GSE1: variants seen among roughly 807,000 people sequenced by gnomAD.
GSE1 encodes genetic suppressor element 1.
A neutral mutation model predicts 112.6 loss-of-function variants in GSE1; 32 were observed. The ratio of observed to expected loss-of-function variants is 0.28; its 90% CI spans 0.21 to 0.38. The LOEUF is 0.38. Among genes scored for constraint, GSE1 ranks in the 10% least tolerant of loss-of-function variants. The probability of loss-of-function intolerance (pLI) is 1.00; values close to 1 mark genes in which losing one functional copy is unlikely to be tolerated. For missense variants in GSE1, 2,348 were observed against 1,699.2 expected (o/e 1.38, Z -6.71); for synonymous variants, 1,115 against 735.6 (o/e 1.52, Z -8.35).
chr16:85,547,321 C>T (rs1249064815), intron 2 of GSE1, among the ~76,000 whole-genome samples: 3 of 152,204 alleles, frequency 2.0e-5, no homozygotes, highest in African/African-American at 7.2e-5. Flanking sequence ...CGGAATGAAA[C>T]TGAAATCCAT....
chr16:85,397,030 C>A (rs1187284423), intron 2 of GSE1, among the ~76,000 whole-genome samples: 2 of 152,184 alleles, frequency 1.3e-5, no homozygotes. Context: ...GGGCTCCCCT[C>A]CAGCTGGGTG....
chr16:85,208,120 G>A (rs143281347), intron 1 of GSE1, among the ~76,000 whole-genome samples: 6 of 152,258 alleles, frequency 3.9e-5, no homozygotes, highest in East Asian at 3.9e-4. Flanking sequence ...CCTGGTTGTC[G>A]TCCTTGTCCT....
intron 1 of GSE1, among the ~76,000 whole-genome samples, chr16:85,198,548 C>T (rs542401499): frequency 3.2e-4 from 48 of 150,006 alleles, no homozygotes; most frequent in African/African-American, 1.1e-3. Context: ...CTGGGAGGGT[C>T]GGGATGGGGG....
chr16:85,342,913 G>A (rs1164134973), intron 1 of GSE1, among the ~76,000 whole-genome samples: 1 of 151,432 alleles, frequency 6.6e-6, no homozygotes, highest in Non-Finnish European at 1.5e-5. Flanking sequence ...TGCATGAAGA[G>A]GGGGTGCCGC....
chr16:85,267,201 G>A (rs1567650256), intron 1 of GSE1, among the ~76,000 whole-genome samples: 1 of 152,158 alleles, frequency 6.6e-6, no homozygotes, highest in African/African-American at 2.4e-5. Flanking sequence ...CCCGCCCCTC[G>A]CCTGAGGCCG....
At chr16:85,456,040 CAG>C (rs1281430677) in intron 2 of GSE1, among the ~76,000 whole-genome samples, 1 of 152,160 alleles carries the variant, frequency 6.6e-6, no homozygotes, top group African/African-American at 2.4e-5. Context: ...TTGTAAGTAA[CAG>C]AGCTAGGATT....
rs868774854 is a variant in GSE1 at position 85,666,080 on chromosome 16, G to T, written c.2863G>T (p.Val955Phe). The T allele has an allele frequency of 1.2e-6, 2 of 1,613,318 alleles. No homozygotes were observed. The highest frequency in any genetic ancestry group is 3.3e-4 in the Middle Eastern group (2 of 6,062). The change falls in exon 13 of 16, where the codon GTC (valine) becomes TTC (phenylalanine). Residue 955 changes from valine to phenylalanine, a missense_variant. Transcript: ENST00000253458. ...CGCGGAGCCTGGGAAGCTGGAACAG[G>T]TCCGGCCCCAGGAGCTGTCGAGAGT... is the stretch of plus-strand genomic sequence containing the variant. ...KAAEPGKLEQVRPQELSRVQE... is the reference protein window; with the variant it reads ...KAAEPGKLEQFRPQELSRVQE...
chr16:85,550,699 T>C (rs943304504), intron 2 of GSE1, among the ~76,000 whole-genome samples: 1 of 152,116 alleles, frequency 6.6e-6, no homozygotes, highest in Non-Finnish European at 1.5e-5. Flanking sequence ...CAGCACGTGC[T>C]GGGAGGCTAT....
At chr16:85,171,700 C>T (rs2074361137) in exon 1 of GSE1, 7 of 985,528 alleles carry the variant, frequency 7.1e-6, no homozygotes, top group African/African-American at 1.7e-5. Flanking sequence ...CGGACAGCAG[C>T]TGATCATCGG....
intron 1 of GSE1, among the ~76,000 whole-genome samples, chr16:85,199,203 C>G (rs893303826): frequency 2.0e-5 from 3 of 152,118 alleles, no homozygotes; most frequent in Non-Finnish European, 2.9e-5. Context: ...ATGATCCGCC[C>G]GCCTCGGCTT....
chr16:85,478,919 CTT>C (rs1347543284), intron 2 of GSE1, among the ~76,000 whole-genome samples: 8 of 45,548 alleles, frequency 1.8e-4, no homozygotes, highest in African/African-American at 9.1e-4. Context: ...TTCTTTCTTT[CTT>C]TCTTTCTCTT....
At chr16:85,558,262 C>T (rs942730220) in intron 1 of GSE1, among the ~76,000 whole-genome samples, 3 of 152,184 alleles carry the variant, frequency 2.0e-5, no homozygotes, top group Non-Finnish European at 2.9e-5. Context: ...GTCTGTCTCC[C>T]CCCGGGTCTG....
In GSE1 at chr16:85,674,764, G is replaced by A. The variant is rs1307835618; in HGVS notation, c.*2225G>A. 3.3e-5 allele frequency: 5 copies of A among 152,514 alleles called. No homozygotes were observed. The highest frequency in any genetic ancestry group is 1.9e-4 in the East Asian group (1 of 5,184). 9.4% of individuals were successfully genotyped at this position (152,514 alleles called of 1,614,324 possible). Reference sequence around the variant, plus strand: ...GGGGACAGGTGGCACACCATGAGAGGTCTGCCCAGGGTGGGAGCAGTGTCA... The same window carrying A: ...GGGGACAGGTGGCACACCATGAGAGATCTGCCCAGGGTGGGAGCAGTGTCA... On this transcript the variant is annotated 3_prime_UTR_variant, in exon 16 of 16. Transcript: ENST00000253458.
At position 85,436,003 on chromosome 16, in the gene GSE1, G is replaced by A. The variant is rs191185970; in HGVS notation, c.2464+78360G>A. On this transcript the variant is annotated intron_variant, in intron 2 of 2. Coordinates refer to the GSE1 transcript ENST00000637419. Reference sequence around the variant, plus strand: ...CCCGGATCTCACCAGTGTGGTTGGCGTGGGTCTGCATTTCCAGGGCCAGAA... The same window carrying A: ...CCCGGATCTCACCAGTGTGGTTGGCATGGGTCTGCATTTCCAGGGCCAGAA... 2.0e-5 allele frequency among the ~76,000 whole-genome samples: 3 copies of A among 152,286 alleles called. No homozygotes were observed. The East Asian group carries it at 5.8e-4, about 29-fold the overall frequency.
At chr16:85,552,011 C>T (rs2044938077), upstream of GSE1, among the ~76,000 whole-genome samples, 1 of 152,134 alleles carries the variant, frequency 6.6e-6, no homozygotes, top group Non-Finnish European at 1.5e-5. Flanking sequence ...CCTCCGTGCA[C>T]TCAATTTCTT....
intron 2 of GSE1, among the ~76,000 whole-genome samples, chr16:85,437,500 C>A (rs566189813): frequency 6.6e-6 from 1 of 152,024 alleles, no homozygotes; most frequent in South Asian, 2.1e-4. Context: ...GGCACCCACA[C>A]CCACCCTGGG....
At chr16:85,481,462 A>C (rs1194818471) in intron 2 of GSE1, among the ~76,000 whole-genome samples, 1 of 152,108 alleles carries the variant, frequency 6.6e-6, no homozygotes, top group East Asian at 1.9e-4. Flanking sequence ...GAGAAGGGCA[A>C]TCCATGTAAG....
intron 1 of GSE1, among the ~76,000 whole-genome samples, chr16:85,631,207 C>T (rs1009544229): frequency 1.3e-5 from 2 of 152,240 alleles, no homozygotes; most frequent in African/African-American, 4.8e-5. Flanking sequence ...CCGCAGCCTA[C>T]TCGGTGTGGT....
chr16:85,486,505 C>G (rs1008920923), intron 2 of GSE1, among the ~76,000 whole-genome samples: 2 of 152,208 alleles, frequency 1.3e-5, no homozygotes, highest in African/African-American at 4.8e-5. Context: ...TGGCTCCGTT[C>G]GGGGGTGGCA....
Sources: allele counts gnomAD v4.1 joint callset (sites outside exome capture counted in the v4.1 genomes callset), GRCh38; gene constraint gnomAD v4.1.1; transcripts MANE v1.5; gene names NCBI Gene and HGNC (gene_info 2026-07-23, HGNC 2026-07-21).